INO80C: variants seen among roughly 807,000 people sequenced by gnomAD.
INO80C encodes the protein IES6 homolog.
Under a neutral mutation model 17.7 loss-of-function variants are expected in INO80C, and 17 were observed. That is an observed-to-expected ratio of 0.96 (90% CI 0.66 to 1.44). INO80C has a LOEUF of 1.44. INO80C is among the 40% of genes most tolerant of loss of function. The probability of loss-of-function intolerance (pLI) is 0.00; values close to 1 mark genes in which losing one functional copy is unlikely to be tolerated. For missense variants in INO80C, 244 were observed against 245.0 expected (o/e 1.00, Z 0.03); for synonymous variants, 96 against 95.8 (o/e 1.00, Z -0.01).
chr18:35,490,781 G>C (rs2045926304), intron 1 of INO80C, among the ~76,000 whole-genome samples: 1 of 150,334 alleles, frequency 6.7e-6, no homozygotes, highest in African/African-American at 2.4e-5. Flanking sequence ...GTTGAGATAG[G>C]GTCTCGCTCT....
intron 4 of INO80C, among the ~76,000 whole-genome samples, chr18:35,471,527 T>C (rs2045669451): frequency 1.3e-5 from 2 of 152,242 alleles, no homozygotes; most frequent in African/African-American, 4.8e-5. Flanking sequence ...TAGACCTTGA[T>C]GTTGCTTCCA....
chr18:35,492,544 G>GA (rs10707249), intron 1 of INO80C, among the ~76,000 whole-genome samples: 3 of 151,912 alleles, frequency 2.0e-5, no homozygotes, highest in African/African-American at 7.3e-5. Context: ...TTTTAAAAAT[G>GA]AAAAAAAAGG....
intron 1 of INO80C, chr18:35,497,439 C>T: frequency 1.6e-6 from 2 of 1,237,316 alleles, no homozygotes; most frequent in Non-Finnish European, 2.0e-6. Flanking sequence ...GAACCTCATG[C>T]TAAAGGCGAC....
At chr18:35,489,420 C>T (rs1567987407) in intron 1 of INO80C, 1 of 203,250 alleles carries the variant, frequency 4.9e-6, no homozygotes, top group Non-Finnish European at 1.0e-5. Flanking sequence ...AGAATGAGAA[C>T]CAAGTGAAAG....
intron 4 of INO80C, among the ~76,000 whole-genome samples, chr18:35,473,902 G>A (rs1213278995): frequency 6.6e-6 from 1 of 151,978 alleles, no homozygotes; most frequent in Non-Finnish European, 1.5e-5. Context: ...CCTAACAAAG[G>A]TGATCAGTCA....
At chr18:35,471,169 T>C (rs796647422) in intron 4 of INO80C, among the ~76,000 whole-genome samples, 7 of 152,366 alleles carry the variant, frequency 4.6e-5, no homozygotes, top group African/African-American at 1.7e-4. Context: ...TTAAATTATA[T>C]AAGCAACAGA....
intron 4 of INO80C, 33 bp downstream of exon 4, chr18:35,478,249 A>G: frequency 4.1e-6 from 6 of 1,447,956 alleles, no homozygotes; most frequent in Non-Finnish European, 4.8e-6. Context: ...AATCTTTTCC[A>G]TTTAATGTTA....
intron 4 of INO80C, among the ~76,000 whole-genome samples, chr18:35,474,668 G>A (rs1019578096): frequency 6.6e-6 from 1 of 152,068 alleles, no homozygotes; most frequent in Admixed American, 6.6e-5. Context: ...GCCTGGATTA[G>A]AGAGCAAGAC....
At chr18:35,493,503 A>G (rs986420107) in intron 1 of INO80C, among the ~76,000 whole-genome samples, 4 of 152,206 alleles carry the variant, frequency 2.6e-5, no homozygotes, top group African/African-American at 9.7e-5. Flanking sequence ...ATGAAATGAT[A>G]AAACAAAGTT....
rs373237750 is a variant in INO80C, at chr18:35,482,736, TCTTC to T, written c.157-2177_157-2174del. 3.9e-3 allele frequency among the ~76,000 whole-genome samples: 591 copies of T among 152,232 alleles called. 8 individuals carry two copies. The highest frequency in any genetic ancestry group is 0.013 in the African/African-American group (555 of 41,536). ...CCATCTGTACCCACAGTGATCTATC[TCTTC>T]CTTCCTCCCACCCTCCCTTCCGCAC... On this transcript the variant is annotated intron_variant, in intron 1 of 4. Transcript: ENST00000334598.
chr18:35,468,880 T>A, intron 4 of INO80C, 138 bp from the exon 5 acceptor site: 1 of 753,934 alleles, frequency 1.3e-6, no homozygotes, highest in Non-Finnish European at 2.1e-6. Context: ...CCAAGAACAC[T>A]AAATCACTCA....
At chr18:35,471,013 G>T (rs888442280) in intron 4 of INO80C, among the ~76,000 whole-genome samples, 1 of 152,174 alleles carries the variant, frequency 6.6e-6, no homozygotes, top group Non-Finnish European at 1.5e-5. Context: ...ACTTTTCATA[G>T]CTCTGTAACG....
chr18:35,494,471 T>C (rs902757758), intron 1 of INO80C, among the ~76,000 whole-genome samples: 1 of 152,212 alleles, frequency 6.6e-6, no homozygotes, highest in African/African-American at 2.4e-5. Context: ...AAGTCTGAAA[T>C]ATCTGAAGCA....
rs2046003464 is a variant in INO80C at position 35,497,946 on chromosome 18, T to TA, written c.-73dup. 7.0e-7 allele frequency: 1 copy of TA among 1,428,338 alleles called. No homozygotes were observed. Among genetic ancestry groups the TA allele is most frequent in the Admixed American group, 2.8e-5 (1 of 36,316 alleles). The allele number at this position is 1,428,338 out of a possible 1,614,324, so 88.5% of individuals were successfully genotyped here. A position where few individuals can be genotyped will look rare whatever the true frequency, so the allele number is the denominator to read the frequency against. ...GGCCTTGGAACTTCCTTTCCGCTGT[T>TA]ACTTCCGTCTTGATGCTTGAAAACC... On this transcript the variant is annotated 5_prime_UTR_variant, in exon 1 of 5. Transcript: ENST00000334598.
chr18:35,472,691 G>A (rs889969896), intron 4 of INO80C, among the ~76,000 whole-genome samples: 1 of 152,148 alleles, frequency 6.6e-6, no homozygotes, highest in African/African-American at 2.4e-5. Flanking sequence ...CAAAGAAGCA[G>A]TACCAGTGTA....
chr18:35,469,328 TA>T (rs1365417844), intron 4 of INO80C, among the ~76,000 whole-genome samples: 3 of 152,180 alleles, frequency 2.0e-5, no homozygotes, highest in African/African-American at 7.2e-5. Flanking sequence ...TTCCTCGGCA[TA>T]AAATCTCTCA....
intron 1 of INO80C, among the ~76,000 whole-genome samples, chr18:35,486,598 A>G (rs2144071261): frequency 6.6e-6 from 1 of 152,266 alleles, no homozygotes; most frequent in South Asian, 2.1e-4. Flanking sequence ...TAACCCATAT[A>G]ATAAAATAAA....
chr18:35,497,472 T>C (rs1210702420), intron 1 of INO80C: 1 of 1,286,256 alleles, frequency 7.8e-7, no homozygotes, highest in Non-Finnish European at 9.8e-7. Flanking sequence ...AGGCAGTCCT[T>C]CTATTAATAC....
At chr18:35,487,433 G>A (rs1211134293) in intron 1 of INO80C, 4 of 370,166 alleles carry the variant, frequency 1.1e-5, no homozygotes, top group Non-Finnish European at 2.1e-5. Flanking sequence ...GAAGGCAAGA[G>A]GCACGTCTTA....
Sources: allele counts gnomAD v4.1 joint callset (sites outside exome capture counted in the v4.1 genomes callset), GRCh38; gene constraint gnomAD v4.1.1; transcripts MANE v1.5; gene names NCBI Gene and HGNC (gene_info 2026-07-23, HGNC 2026-07-21).